DIS3: variants seen among roughly 807,000 people sequenced by gnomAD.
The protein encoded by DIS3 is DIS3 exosome endoribonuclease and 3'-5' exoribonuclease, also known as exosome complex exonuclease RRP44.
A neutral mutation model predicts 113.0 loss-of-function variants in DIS3; 103 were observed. The observed-to-expected ratio is 0.91, with a 90% CI of 0.78 to 1.07. The LOEUF is 1.07. Among genes scored for constraint, DIS3 ranks in the 50% least tolerant of loss-of-function variants. The probability of loss-of-function intolerance (pLI) is 0.00; values close to 1 mark genes in which losing one functional copy is unlikely to be tolerated. For missense variants in DIS3, 1,121 were observed against 1,167.1 expected (o/e 0.96, Z 0.58); for synonymous variants, 402 against 394.3 (o/e 1.02, Z -0.23).
chr13:72,772,018 A>G (rs2033897507), intron 10 of DIS3, 122 bp from the exon 11 acceptor site: 2 of 1,264,554 alleles, frequency 1.6e-6, no homozygotes, highest in African/African-American at 3.0e-5. Context: ...TACCATTTCA[A>G]CTTCTGACAT....
intron 4 of DIS3, 66 bp downstream of exon 4, chr13:72,777,354 T>C (rs1204643739): frequency 3.4e-6 from 5 of 1,484,422 alleles, no homozygotes; most frequent in Admixed American, 3.6e-5. Context: ...TTGGTAACTA[T>C]ATGCCTAATA....
intron 14 of DIS3, among the ~76,000 whole-genome samples, chr13:72,766,861 A>G (rs2033761615): frequency 6.6e-6 from 1 of 152,206 alleles, no homozygotes; most frequent in Admixed American, 6.5e-5. Flanking sequence ...TTAAAATAAG[A>G]TGGAGCAAGT....
chr13:72,773,021 G>A (rs1001248030), intron 8 of DIS3, among the ~76,000 whole-genome samples, 182 bp from the exon 9 acceptor site: 2 of 152,160 alleles, frequency 1.3e-5, no homozygotes, highest in Admixed American at 6.5e-5. Flanking sequence ...TGGAAACTTT[G>A]TAAGGGTCCA....
At chr13:72,772,434 C>T (rs374786634) in intron 9 of DIS3, among the ~76,000 whole-genome samples, 159 bp from the exon 10 acceptor site, 1 of 152,162 alleles carries the variant, frequency 6.6e-6, no homozygotes, top group East Asian at 1.9e-4. Context: ...AGCAGAGAGA[C>T]ACCACGTATG....
At position 72,754,608 on chromosome 13, in the gene DIS3, T is replaced by C. The variant is rs180875077; in HGVS notation, c.*5187A>G. The C allele has an allele frequency of 1.3e-3, 194 of 152,414 alleles. No individual in the cohort carries two copies. Among genetic ancestry groups the C allele is most frequent in the Non-Finnish European group, 2.1e-3 (142 of 68,102 alleles). The allele number at this position is 152,414 out of a possible 1,614,324, so 9.4% of individuals were successfully genotyped here. A position where few individuals can be genotyped will look rare whatever the true frequency, so the allele number is the denominator to read the frequency against. ...AACTGCCTTTCTGTTGTATGTAGTA[T>C]CAGAGCAGGTCTCTTCTAATATTAA... On this transcript the variant is annotated 3_prime_UTR_variant, in exon 21 of 21. Coordinates refer to ENST00000377767, the MANE Select transcript of DIS3 (RefSeq NM_014953.5).
intron 2 of DIS3, among the ~76,000 whole-genome samples, chr13:72,780,138 C>T (rs1388070902): frequency 6.6e-6 from 1 of 151,462 alleles, no homozygotes; most frequent in Non-Finnish European, 1.5e-5. Context: ...CCAGCCTGAC[C>T]AACATGGTGA....
intron 13 of DIS3, among the ~76,000 whole-genome samples, chr13:72,769,935 A>G (rs1337850091): frequency 2.0e-5 from 3 of 152,252 alleles, no homozygotes; most frequent in Non-Finnish European, 2.9e-5. Flanking sequence ...AAGAGAGAAC[A>G]TAAGGGATTT....
Position 72,772,221 on chromosome 13 carries a change from G to A in DIS3, c.1441C>T (p.Pro481Ser). The change falls in exon 10 of 21, where the codon CCA becomes TCA. Residue 481 changes from proline (P) to serine (S), a missense_variant. Coordinates refer to ENST00000377767, the MANE Select transcript of DIS3 (RefSeq NM_014953.5). ...GCATCGTCTATATCAGTACATCCTG[G>A]TGGGTCTACACTACAAATACACAGA... ...RHLCICSVDPPGCTDIDDALH... is the reference protein window; with the variant it reads ...RHLCICSVDPSGCTDIDDALH... 1 of 1,613,452 alleles carries A rather than the reference G, an allele frequency of 6.2e-7. No homozygotes were observed. The highest frequency in any genetic ancestry group is 8.5e-7 in the Non-Finnish European group (1 of 1,179,888).
chr13:72,780,325 C>CAAA (rs397851597), intron 2 of DIS3, among the ~76,000 whole-genome samples: 134 of 55,384 alleles, frequency 2.4e-3, no homozygotes, highest in Non-Finnish European at 2.8e-3. Context: ...GACTCCATCT[C>CAAA]AAAAAAAAAA....
At chr13:72,767,494 A>G (rs1024592687) in intron 14 of DIS3, among the ~76,000 whole-genome samples, 3 of 152,164 alleles carry the variant, frequency 2.0e-5, no homozygotes, top group African/African-American at 7.2e-5. Context: ...ACTGGGTTTT[A>G]GCATGCCCAA....
rs1240954647 is a variant in DIS3, at chr13:72,755,176, G to C, written c.*4619C>G. 1 of 1,613,760 alleles carries C rather than the reference G, an allele frequency of 6.2e-7. No homozygotes were observed. Among genetic ancestry groups the C allele is most frequent in the Non-Finnish European group, 8.5e-7 (1 of 1,179,852 alleles). ...CAAGACCACACAACACAGAGGTGTT[G>C]GATGAAAACAGCAAGCCCTTTTCAA... On this transcript the variant is annotated 3_prime_UTR_variant, in exon 21 of 21. Coordinates refer to ENST00000377767, the MANE Select transcript of DIS3 (RefSeq NM_014953.5).
At chr13:72,776,547 A>AT (rs1167299850) in intron 4 of DIS3, among the ~76,000 whole-genome samples, 1 of 152,186 alleles carries the variant, frequency 6.6e-6, no homozygotes, top group African/African-American at 2.4e-5. Flanking sequence ...GGATTTATGT[A>AT]TAATGTCCTA....
At chr13:72,780,793 C>A (rs888565428) in intron 2 of DIS3, 53 bp downstream of exon 2, 21 of 1,520,210 alleles carry the variant, frequency 1.4e-5, no homozygotes, top group Non-Finnish European at 1.7e-5. Context: ...AACCCTCTCC[C>A]GAATTTTGCT....
chr13:72,762,998 T>G (rs988605286), intron 16 of DIS3, among the ~76,000 whole-genome samples: 1 of 152,068 alleles, frequency 6.6e-6, no homozygotes, highest in Non-Finnish European at 1.5e-5. Flanking sequence ...TAGGGTGCTC[T>G]TTAAAAACAT....
At chr13:72,770,797 A>G (rs1052254625) in intron 13 of DIS3, 107 bp downstream of exon 13, 1 of 466,696 alleles carries the variant, frequency 2.1e-6, no homozygotes, top group Middle Eastern at 6.4e-4. Context: ...ATATTTTTAT[A>G]TATGTGTATA....
Position 72,759,790 on chromosome 13 carries a change from T to G in DIS3, c.*5A>C, listed in dbSNP as rs368350292. 9.1e-5 allele frequency: 146 copies of G among 1,610,384 alleles called. No individual in the cohort carries two copies. The East Asian group carries it at 1.0e-3, about 12-fold the overall frequency. Reference sequence around the variant, plus strand: ...CCAGTCTTTGAAGATTTTTGTTGAATATAGCTATTTTCCAAGCTTCATCTT... The same window carrying G: ...CCAGTCTTTGAAGATTTTTGTTGAAGATAGCTATTTTCCAAGCTTCATCTT... On this transcript the variant is annotated 3_prime_UTR_variant, in exon 21 of 21. Transcript: ENST00000377767.
In DIS3 at chr13:72,780,887, G is replaced by A; in HGVS notation, c.345C>T (p.Asn115=). ...TGAAAGTATAGAAATGCTTCTCTTG[G>A]TTATTAGTCACATCTCGGATGCGTT... ...VYKRIRDVTN[N]QEKHFYTFTN... Residue 115 remains asparagine, a synonymous_variant, in exon 2 of 21, where the codon AAC becomes AAT. Transcript: ENST00000377767. 1 of 1,611,736 alleles carries A rather than the reference G, an allele frequency of 6.2e-7. No homozygotes were observed. Among genetic ancestry groups the A allele is most frequent in the Non-Finnish European group, 8.5e-7 (1 of 1,179,292 alleles).
intron 1 of DIS3, 89 bp downstream of exon 1, chr13:72,781,516 A>G (rs1017347055): frequency 2.8e-6 from 4 of 1,445,138 alleles, no homozygotes; most frequent in East Asian, 2.5e-5. Context: ...TGACACTGCC[A>G]AAGACCCGCC....
Position 72,763,523 on chromosome 13 carries a change from A to G in DIS3, c.2055T>C (p.His685=). 2 of 1,613,982 alleles carry G rather than the reference A, an allele frequency of 1.2e-6. No individual in the cohort carries two copies. The highest frequency in any genetic ancestry group is 1.7e-6 in the Non-Finnish European group (2 of 1,179,980). The change falls in exon 16 of 21, where the codon CAT becomes CAC. Residue 685 remains histidine (H), a synonymous_variant. Coordinates refer to ENST00000377767, the MANE Select transcript of DIS3 (RefSeq NM_014953.5). ...AKKIHEEFSE[H]ALLRKHPAPP... ...GAGCAGGATGTTTTCGAAGCAGAGCATGTTCAGAAAATTCCTCATGAATTT... is the reference window on the plus strand; with the variant it reads ...GAGCAGGATGTTTTCGAAGCAGAGCGTGTTCAGAAAATTCCTCATGAATTT...
Sources: allele counts gnomAD v4.1 joint callset (sites outside exome capture counted in the v4.1 genomes callset), GRCh38; gene constraint gnomAD v4.1.1; transcripts MANE v1.5; gene names NCBI Gene and HGNC (gene_info 2026-07-23, HGNC 2026-07-21).